Variants in PROK2 observed in about 807,000 individuals in gnomAD.
PROK2 encodes the protein prokineticin 2.
PROK2 carries 8 observed loss-of-function variants against 14.2 expected under a neutral mutation model. The ratio of observed to expected loss-of-function variants is 0.56; its 90% CI spans 0.33 to 1.02. The LOEUF is 1.02. Ranked by LOEUF, PROK2 falls within the 50% of genes least tolerant of loss-of-function variation. The pLI is 0.03. For synonymous variants in PROK2, 59 were observed against 60.7 expected (o/e 0.97, Z 0.13); for missense variants, 154 against 160.4 (o/e 0.96, Z 0.22).
intron 2 of PROK2, among the ~76,000 whole-genome samples, chr3:71,779,408 T>C (rs2050144757): frequency 1.3e-5 from 2 of 152,242 alleles, no homozygotes; most frequent in African/African-American, 4.8e-5. Flanking sequence ...GCTTGCTGTA[T>C]TAAGTAAGAA....
chr3:71,780,323 T>G (rs1230646145), intron 2 of PROK2, among the ~76,000 whole-genome samples: 1 of 152,256 alleles, frequency 6.6e-6, no homozygotes, highest in Admixed American at 6.5e-5. Flanking sequence ...ACAATTTATT[T>G]CATTCTGTTC....
At chr3:71,779,660 G>A (rs1211538877) in intron 2 of PROK2, among the ~76,000 whole-genome samples, 1 of 152,138 alleles carries the variant, frequency 6.6e-6, no homozygotes, top group Non-Finnish European at 1.5e-5. Context: ...CTGGAGTATA[G>A]TGGCAAGATC....
At chr3:71,776,487 C>T (rs1256449740) in intron 2 of PROK2, among the ~76,000 whole-genome samples, 1 of 150,628 alleles carries the variant, frequency 6.6e-6, no homozygotes, top group Non-Finnish European at 1.5e-5. Context: ...AAGTGATGCT[C>T]CCACCTCAGC....
chr3:71,778,614 T>C (rs944484946), intron 2 of PROK2, among the ~76,000 whole-genome samples: 1 of 152,216 alleles, frequency 6.6e-6, no homozygotes, highest in Admixed American at 6.5e-5. Flanking sequence ...ATTTTTACTA[T>C]CTACTAATGA....
intron 3 of PROK2, among the ~76,000 whole-genome samples, chr3:71,773,075 G>A (rs1417262873): frequency 6.6e-6 from 1 of 152,214 alleles, no homozygotes; most frequent in Non-Finnish European, 1.5e-5. Context: ...CACCTCCCGT[G>A]TTCAAGCGAT....
At chr3:71,784,846 A>G in intron 1 of PROK2, 111 bp downstream of exon 1, 3 of 974,520 alleles carry the variant, frequency 3.1e-6, no homozygotes, top group Non-Finnish European at 4.0e-6. Flanking sequence ...GTCCCCGCCC[A>G]GGGCGACCCT....
chr3:71,775,844 G>A (rs1304815888), intron 2 of PROK2, among the ~76,000 whole-genome samples: 3 of 152,138 alleles, frequency 2.0e-5, no homozygotes, highest in African/African-American at 7.2e-5. Flanking sequence ...AAAACACTCA[G>A]GAGATATTTG....
intron 2 of PROK2, among the ~76,000 whole-genome samples, chr3:71,777,724 T>C (rs539997030): frequency 6.6e-6 from 1 of 152,148 alleles, no homozygotes; most frequent in South Asian, 2.1e-4. Flanking sequence ...CACATAATTA[T>C]TGAATACTAA....
rs1381110918 is a variant in PROK2, at chr3:71,772,575, TCATTTA to T, written c.*143_*148del. ...CTCTTTCGATAAAAAAAAAAAAAAA[TCATTTA>T]CAAATCAAAGATAAAAATGTTACTT... On this transcript the variant is annotated 3_prime_UTR_variant, in exon 4 of 4. Transcript: ENST00000295619. The T allele has an allele frequency of 3.0e-5, 20 of 672,186 alleles. No individual in the cohort carries two copies. Among genetic ancestry groups the T allele is most frequent in the African/African-American group, 7.5e-5 (4 of 53,198 alleles). The allele number at this position is 672,186 out of a possible 1,614,324, so 41.6% of individuals were successfully genotyped here.
intron 1 of PROK2, 86 bp downstream of exon 1, chr3:71,784,871 C>T: frequency 7.1e-6 from 8 of 1,124,546 alleles, no homozygotes; most frequent in Non-Finnish European, 9.0e-6. Context: ...TTGCCTCTAG[C>T]CTGCCCTTCA....
chr3:71,780,673 A>G, intron 2 of PROK2, among the ~76,000 whole-genome samples: 1 of 152,172 alleles, frequency 6.6e-6, no homozygotes, highest in East Asian at 1.9e-4. Flanking sequence ...TTGAGACCAC[A>G]CTGTGTTTCA....
chr3:71,775,962 G>T (rs994077289), intron 2 of PROK2, among the ~76,000 whole-genome samples: 13 of 152,072 alleles, frequency 8.5e-5, no homozygotes, highest in Non-Finnish European at 1.3e-4. Flanking sequence ...GCCCTGCCCA[G>T]CTCCGAGCAG....
At chr3:71,774,829 C>T (rs143527414) in intron 2 of PROK2, among the ~76,000 whole-genome samples, 1 of 152,028 alleles carries the variant, frequency 6.6e-6, no homozygotes, top group Non-Finnish European at 1.5e-5. Flanking sequence ...CTGGCTTAGA[C>T]AGTTATAAGT....
chr3:71,780,127 T>C (rs2050150236), intron 2 of PROK2, among the ~76,000 whole-genome samples: 1 of 152,230 alleles, frequency 6.6e-6, no homozygotes, highest in South Asian at 2.1e-4. Flanking sequence ...AAACAATGCA[T>C]GTCATGTTTT....
In PROK2 at chr3:71,781,474, G is replaced by A. The variant is rs765020287; in HGVS notation, c.215C>T (p.Thr72Ile). ...GKLGDSCHPLTRKNNFGNGRQ... is the reference protein window; with the variant it reads ...GKLGDSCHPLIRKNNFGNGRQ... ...AAATATATATATACTAACTTTACGA[G>A]TCAGTGGATGGCAGCTGTCTCCCAG... Residue 72 changes from threonine (T) to isoleucine (I), a missense_variant, in exon 2 of 4, where the codon ACT becomes ATT. Transcript: ENST00000295619. 15 of 1,613,920 alleles carry A rather than the reference G, an allele frequency of 9.3e-6. No individual in the cohort carries two copies. In the Admixed American group the frequency reaches 1.5e-4, roughly 16 times the overall value.
chr3:71,780,777 C>T (rs2050154660), intron 2 of PROK2, among the ~76,000 whole-genome samples: 1 of 152,170 alleles, frequency 6.6e-6, no homozygotes, highest in African/African-American at 2.4e-5. Flanking sequence ...CCTTCCTGAC[C>T]CCTGTAGACA....
intron 2 of PROK2, among the ~76,000 whole-genome samples, chr3:71,777,446 A>G (rs945281660): frequency 6.6e-6 from 1 of 152,146 alleles, no homozygotes; most frequent in Non-Finnish European, 1.5e-5. Flanking sequence ...TATGTTTACA[A>G]TGTTTCCTCA....
chr3:71,784,818 G>T, intron 1 of PROK2, 139 bp downstream of exon 1: 1 of 650,560 alleles, frequency 1.5e-6, no homozygotes, highest in Non-Finnish European at 2.2e-6. Context: ...AGTGCACCAA[G>T]GGGCGACAGG....
intron 2 of PROK2, among the ~76,000 whole-genome samples, chr3:71,776,363 C>CTTTTTTTTTTTT (rs2050118816): frequency 9.8e-5 from 9 of 92,068 alleles, no homozygotes; most frequent in African/African-American, 1.3e-4. Context: ...TTTCGCTTTT[C>CTTTTTTTTTTTT]ATTTTTTTTT....
Sources: gnomAD v4.1 joint callset for allele counts (sites outside exome capture counted in the v4.1 genomes callset) on GRCh38, gnomAD v4.1.1 for gene constraint, MANE v1.5 for transcripts, NCBI Gene and HGNC (gene_info 2026-07-23, HGNC 2026-07-21) for gene names.